Variants in SLC7A11 observed in about 807,000 individuals in gnomAD.
The protein encoded by SLC7A11 is cystine/glutamate transporter.
SLC7A11 carries 35 observed loss-of-function variants against 54.5 expected under a neutral mutation model. The ratio of observed to expected loss-of-function variants is 0.64; its 90% CI spans 0.49 to 0.85. The LOEUF is 0.85. SLC7A11 is among the 40% of genes least tolerant of loss of function. The probability of loss-of-function intolerance (pLI) is 0.00; values close to 1 mark genes in which losing one functional copy is unlikely to be tolerated. For synonymous variants in SLC7A11, 230 were observed against 225.2 expected (o/e 1.02, Z -0.19); for missense variants, 583 against 618.1 (o/e 0.94, Z 0.60).
At chr4:138,189,142 T>G (rs1259907416) in intron 6 of SLC7A11, among the ~76,000 whole-genome samples, 1 of 152,182 alleles carries the variant, frequency 6.6e-6, no homozygotes, top group Non-Finnish European at 1.5e-5. Context: ...CTAAAACATG[T>G]GCTTAGAAGC....
At chr4:138,180,886 A>C in intron 9 of SLC7A11, 96 bp from the exon 10 acceptor site, 2 of 1,030,168 alleles carry the variant, frequency 1.9e-6, no homozygotes. Flanking sequence ...TTTTTCAAAT[A>C]ATTATTTATA....
chr4:138,193,920 T>G (rs1171867312), intron 6 of SLC7A11, among the ~76,000 whole-genome samples: 2 of 152,128 alleles, frequency 1.3e-5, no homozygotes, highest in Admixed American at 6.6e-5. Context: ...CTGCAATAAA[T>G]CTCTATTCAT....
chr4:138,234,762 C>T (rs1738165047), intron 2 of SLC7A11, among the ~76,000 whole-genome samples: 1 of 152,104 alleles, frequency 6.6e-6, no homozygotes. Context: ...TCATGTTCAT[C>T]ATAATGCTAA....
At chr4:138,209,772 T>G (rs1268458758) in intron 6 of SLC7A11, among the ~76,000 whole-genome samples, 1 of 152,102 alleles carries the variant, frequency 6.6e-6, no homozygotes, top group Admixed American at 6.6e-5. Flanking sequence ...AAATATTTCA[T>G]GCTTATGGAT....
chr4:138,213,178 T>C (rs1737593491), intron 6 of SLC7A11, among the ~76,000 whole-genome samples: 1 of 152,038 alleles, frequency 6.6e-6, no homozygotes, highest in Admixed American at 6.6e-5. Flanking sequence ...TAAATATGTG[T>C]TCTCGACCTA....
intron 6 of SLC7A11, among the ~76,000 whole-genome samples, chr4:138,191,067 C>T (rs905886460): frequency 2.0e-5 from 3 of 151,990 alleles, no homozygotes; most frequent in Non-Finnish European, 4.4e-5. Context: ...GCAGGGAAGG[C>T]ATAGGTGGTC....
chr4:138,241,810 C>T lies in SLC7A11; in HGVS notation c.260G>A (p.Gly87Glu), dbSNP rs1311091827. The T allele has an allele frequency of 6.2e-7, 1 of 1,613,860 alleles. No homozygotes were observed. The highest frequency in any genetic ancestry group is 1.1e-5 in the South Asian group (1 of 91,070). Residue 87 changes from glycine to glutamate, a missense_variant, in exon 1 of 12, where the codon GGG (glycine) becomes GAG (glutamate). Transcript: ENST00000280612. ...GCACTCACCAAATAGTGACAGGACC[C>T]CACACACCGTCCAGATGGTCAGAGA... ...GMSLTIWTVC[G>E]VLSLFGALSY...
intron 6 of SLC7A11, among the ~76,000 whole-genome samples, chr4:138,193,642 T>C (rs563157424): frequency 3.3e-5 from 5 of 151,950 alleles, no homozygotes; most frequent in Admixed American, 2.0e-4. Context: ...CTACTAAAAA[T>C]AGAAAAATTA....
rs1266957020 is a variant in SLC7A11, at chr4:138,170,230, A to ATATATATAT, written c.*1725_*1726insATATATATA. 12 of 98,274 alleles carry ATATATATAT rather than the reference A, an allele frequency of 1.2e-4. No individual in the cohort carries two copies. The highest frequency in any genetic ancestry group is 3.2e-4 in the East Asian group (1 of 3,106). The allele number at this position is 98,274 out of a possible 1,614,324, so 6.1% of individuals were successfully genotyped here. A position where few individuals can be genotyped will look rare whatever the true frequency, so the allele number is the denominator to read the frequency against. ...CTATATATATATATATATATATATA[A>ATATATATAT]AAAGTGTGTGTGTGTGTGTGTATAT... On this transcript the variant is annotated 3_prime_UTR_variant, in exon 12 of 12. Coordinates refer to ENST00000280612, the MANE Select transcript of SLC7A11 (RefSeq NM_014331.4).
At position 138,166,248 on chromosome 4, in the gene SLC7A11, T is replaced by TTTGA. The variant is rs1363621939; in HGVS notation, c.*5704_*5707dup. On this transcript the variant is annotated 3_prime_UTR_variant, in exon 12 of 12. Transcript: ENST00000280612. ...CTAATAAAGTTAGTTAGTAGGAAAA[T>TTTGA]TTGATGTCTAAATTTTATAATACAC... 6.6e-6 allele frequency: 1 copy of TTTGA among 152,096 alleles called. No individual in the cohort carries two copies. Among genetic ancestry groups the TTTGA allele is most frequent in the Non-Finnish European group, 1.5e-5 (1 of 68,014 alleles). The allele number at this position is 152,096 out of a possible 1,614,324, so 9.4% of individuals were successfully genotyped here.
intron 4 of SLC7A11, 134 bp from the exon 5 acceptor site, chr4:138,219,499 T>C: frequency 1.6e-6 from 1 of 616,618 alleles, no homozygotes; most frequent in South Asian, 2.0e-5. Context: ...ATTACCATCT[T>C]TATCAATACT....
chr4:138,227,139 G>A (rs1048472651), intron 3 of SLC7A11, among the ~76,000 whole-genome samples: 2 of 152,194 alleles, frequency 1.3e-5, no homozygotes, highest in Admixed American at 1.3e-4. Context: ...TTTGGGTTTT[G>A]AAGAGTGAGA....
chr4:138,232,190 A>G, intron 3 of SLC7A11, 77 bp downstream of exon 3: 1 of 1,012,478 alleles, frequency 9.9e-7, no homozygotes, highest in South Asian at 1.3e-5. Context: ...CCGCAATGCA[A>G]AAAGTCTAAA....
chr4:138,218,284 A>C (rs578187719), intron 5 of SLC7A11, among the ~76,000 whole-genome samples: 3 of 152,204 alleles, frequency 2.0e-5, no homozygotes, highest in Non-Finnish European at 4.4e-5. Flanking sequence ...GTGGTTTCCT[A>C]ATATTACTTC....
intron 6 of SLC7A11, among the ~76,000 whole-genome samples, chr4:138,195,185 TC>T (rs1482925679): frequency 6.6e-6 from 1 of 152,164 alleles, no homozygotes; most frequent in African/African-American, 2.4e-5. Flanking sequence ...TCTTCTGCAT[TC>T]TAAAAAGGCT....
At chr4:138,219,401 A>C (rs779320856) in intron 4 of SLC7A11, 36 bp from the exon 5 acceptor site, 23 of 1,262,226 alleles carry the variant, frequency 1.8e-5, no homozygotes, top group Non-Finnish European at 2.7e-5. Flanking sequence ...GGATTTTTCA[A>C]AGAATTGGTT....
At chr4:138,202,347 T>A (rs555531755) in intron 6 of SLC7A11, among the ~76,000 whole-genome samples, 1 of 152,174 alleles carries the variant, frequency 6.6e-6, no homozygotes, top group South Asian at 2.1e-4. Flanking sequence ...TTGGATATGA[T>A]CCTAGATCTT....
chr4:138,224,460 C>A (rs1410441636), intron 3 of SLC7A11, among the ~76,000 whole-genome samples: 2 of 152,054 alleles, frequency 1.3e-5, no homozygotes, highest in Non-Finnish European at 2.9e-5. Flanking sequence ...CTACAGAATT[C>A]TTATTATTCA....
intron 6 of SLC7A11, among the ~76,000 whole-genome samples, chr4:138,204,698 G>A (rs1055832126): frequency 1.3e-5 from 2 of 150,810 alleles, no homozygotes; most frequent in African/African-American, 4.9e-5. Flanking sequence ...GATGACAATA[G>A]GGGTGTGAGC....
Sources: allele counts gnomAD v4.1 joint callset (sites outside exome capture counted in the v4.1 genomes callset), GRCh38; gene constraint gnomAD v4.1.1; transcripts MANE v1.5; gene names NCBI Gene and HGNC (gene_info 2026-07-23, HGNC 2026-07-21).